Variants in ELMO1 observed in about 807,000 individuals in gnomAD.
ELMO1 encodes engulfment and cell motility protein 1.
A neutral mutation model predicts 98.9 loss-of-function variants in ELMO1; 26 were observed. The observed-to-expected ratio is 0.26, with a 90% CI of 0.19 to 0.36. ELMO1 has a LOEUF of 0.36. Among genes scored for constraint, ELMO1 ranks in the 10% least tolerant of loss-of-function variants. ELMO1 has a pLI of 1.00. For missense variants in ELMO1, 627 were observed against 935.2 expected, an observed-to-expected ratio of 0.67 and a Z score of 4.30; for synonymous variants, 346 against 346.0, an observed-to-expected ratio of 1.00 and a Z score of 0.00.
At chr7:37,076,808 C>T (rs1377252203) in intron 15 of ELMO1, among the ~76,000 whole-genome samples, 2 of 152,202 alleles carry the variant, frequency 1.3e-5, no homozygotes, top group African/African-American at 4.8e-5. Context: ...AGACAGCCCC[C>T]ACTTCTGGCC....
chr7:37,284,906 G>A (rs965694376), intron 4 of ELMO1, among the ~76,000 whole-genome samples: 3 of 152,164 alleles, frequency 2.0e-5, no homozygotes, highest in Admixed American at 6.5e-5. Flanking sequence ...ACCAATAGAG[G>A]GCACTGGAGT....
chr7:37,207,256 A>C (rs1205081949), intron 13 of ELMO1, among the ~76,000 whole-genome samples: 1 of 152,222 alleles, frequency 6.6e-6, no homozygotes, highest in Non-Finnish European at 1.5e-5. Context: ...TCCACTAAAA[A>C]TAGCATTATC....
At chr7:37,147,454 T>C (rs79890362) in intron 13 of ELMO1, among the ~76,000 whole-genome samples, 9,000 of 152,226 alleles carry the variant, frequency 0.059, 289 homozygotes, top group African/African-American at 0.071. Flanking sequence ...CCTGGTGTGA[T>C]ACCCCAGGTT....
At chr7:37,178,108 G>A (rs1181388288) in intron 13 of ELMO1, among the ~76,000 whole-genome samples, 1 of 151,924 alleles carries the variant, frequency 6.6e-6, no homozygotes, top group Non-Finnish European at 1.5e-5. Flanking sequence ...CAGTATGTTA[G>A]TCCGTTTTCA....
intron 18 of ELMO1, among the ~76,000 whole-genome samples, chr7:36,885,919 TC>T (rs1804954347): frequency 6.6e-6 from 1 of 152,222 alleles, no homozygotes; most frequent in South Asian, 2.1e-4. Context: ...CCTCTCTTCC[TC>T]ATGATAGCCT....
intron 13 of ELMO1, among the ~76,000 whole-genome samples, chr7:37,180,769 T>A (rs1490773731): frequency 6.6e-6 from 1 of 151,472 alleles, no homozygotes; most frequent in East Asian, 1.9e-4. Flanking sequence ...GAAAAATATG[T>A]ATATATACAC....
intron 1 of ELMO1, among the ~76,000 whole-genome samples, chr7:37,446,024 T>G (rs901484688): frequency 6.6e-6 from 1 of 151,802 alleles, no homozygotes; most frequent in East Asian, 1.9e-4. Context: ...AAGGGAGGAG[T>G]CTACTCAAGG....
intron 16 of ELMO1, among the ~76,000 whole-genome samples, chr7:36,924,254 T>C (rs769142233): frequency 3.7e-4 from 57 of 152,206 alleles, no homozygotes; most frequent in Non-Finnish European, 7.2e-4. Flanking sequence ...ATGCCTCTTG[T>C]TCCTCTTTGG....
At chr7:37,438,384 G>A (rs1193999007) in intron 1 of ELMO1, among the ~76,000 whole-genome samples, 1 of 147,238 alleles carries the variant, frequency 6.8e-6, no homozygotes, top group Non-Finnish European at 1.5e-5. Flanking sequence ...TCAGGAGATC[G>A]AGACCATCCT....
At chr7:37,188,477 T>C (rs1278853985) in intron 13 of ELMO1, among the ~76,000 whole-genome samples, 1 of 82,452 alleles carries the variant, frequency 1.2e-5, no homozygotes, top group East Asian at 3.1e-4. Context: ...CACAGGCCAC[T>C]GGAGAAAGGT....
At chr7:37,228,785 G>A (rs1311231508) in intron 8 of ELMO1, among the ~76,000 whole-genome samples, 1 of 151,982 alleles carries the variant, frequency 6.6e-6, no homozygotes, top group African/African-American at 2.4e-5. Context: ...GGTGGATCAC[G>A]AGGTCAGGAG....
chr7:36,991,079 G>T (rs1052685394), intron 16 of ELMO1, among the ~76,000 whole-genome samples: 1 of 152,142 alleles, frequency 6.6e-6, no homozygotes, highest in Admixed American at 6.5e-5. Flanking sequence ...TGATGGTAAT[G>T]GTCTCTACAG....
Position 37,209,257 on chromosome 7 carries a change from G to A in ELMO1, c.1086+2129C>T, listed in dbSNP as rs543901170. ...CCCCCATTACAGATAGCTCTCACAG[G>A]GACCCAGATTCTATAGTAATCCTAT... On this transcript the variant is annotated intron_variant, in intron 13 of 21. Coordinates refer to ENST00000310758, the MANE Select transcript of ELMO1 (RefSeq NM_014800.11). 3.3e-5 allele frequency among the ~76,000 whole-genome samples: 5 copies of A among 152,164 alleles called. No homozygotes were observed. The South Asian group carries it at 1.0e-3, about 32-fold the overall frequency.
At chr7:37,234,060 T>C (rs1340602552) in intron 7 of ELMO1, among the ~76,000 whole-genome samples, 1 of 152,200 alleles carries the variant, frequency 6.6e-6, no homozygotes, top group Non-Finnish European at 1.5e-5. Flanking sequence ...ATACACAGAA[T>C]CTTTCATAGA....
At chr7:37,401,325 T>G (rs1038671087) in intron 1 of ELMO1, among the ~76,000 whole-genome samples, 26 of 152,194 alleles carry the variant, frequency 1.7e-4, no homozygotes, top group African/African-American at 6.0e-4. Flanking sequence ...CACCTTGGCA[T>G]TTGAGAAAAC....
chr7:36,980,842 T>C (rs1790989493), intron 16 of ELMO1, among the ~76,000 whole-genome samples: 1 of 152,190 alleles, frequency 6.6e-6, no homozygotes, highest in Non-Finnish European at 1.5e-5. Context: ...AAGCAATTCA[T>C]CTTGCTCTGA....
chr7:37,312,663 G>A (rs1017935022), intron 4 of ELMO1, among the ~76,000 whole-genome samples: 1 of 152,088 alleles, frequency 6.6e-6, no homozygotes, highest in African/African-American at 2.4e-5. Flanking sequence ...TATGAAGTCT[G>A]AGAACCCCAT....
chr7:37,113,928 G>C (rs1168995611), intron 14 of ELMO1, among the ~76,000 whole-genome samples: 1 of 152,192 alleles, frequency 6.6e-6, no homozygotes, highest in Admixed American at 6.5e-5. Flanking sequence ...TAGATTTCCA[G>C]CCTTCAGAGC....
chr7:37,382,256 A>C (rs1802609812), intron 1 of ELMO1, among the ~76,000 whole-genome samples: 1 of 152,240 alleles, frequency 6.6e-6, no homozygotes, highest in South Asian at 2.1e-4. Flanking sequence ...TTTAGAGTCA[A>C]TCATTCAAAA....
Sources: gnomAD v4.1 joint callset for allele counts (sites outside exome capture counted in the v4.1 genomes callset) on GRCh38, gnomAD v4.1.1 for gene constraint, MANE v1.5 for transcripts, NCBI Gene and HGNC (gene_info 2026-07-23, HGNC 2026-07-21) for gene names.